The following MARCHF1 variants were observed in gnomAD, a reference collection of about 807,000 sequenced individuals.
MARCHF1 encodes membrane associated ring-CH-type finger 1.
MARCHF1 carries 40 observed loss-of-function variants against 54.2 expected under a neutral mutation model. The ratio of observed to expected loss-of-function variants is 0.74; its 90% confidence interval spans 0.57 to 0.96. MARCHF1 has a LOEUF of 0.96. MARCHF1 is among the 40% of genes least tolerant of loss of function. The probability of loss-of-function intolerance (pLI) is 0.00; values close to 1 mark genes in which losing one functional copy is unlikely to be tolerated. For synonymous variants in MARCHF1, 236 were observed against 236.3 expected (o/e 1.00, Z 0.01); for missense variants, 586 against 656.5 (o/e 0.89, Z 1.17).
chr4:163,710,127 G>T (rs150130204), intron 4 of MARCHF1, among the ~76,000 whole-genome samples: 5 of 152,196 alleles, frequency 3.3e-5, no homozygotes, highest in Admixed American at 3.3e-4. Flanking sequence ...ACTATGAAAA[G>T]TCTAGCAATT....
intron 3 of MARCHF1, among the ~76,000 whole-genome samples, chr4:163,864,797 G>A (rs1258080015): frequency 2.0e-5 from 3 of 151,810 alleles, no homozygotes; most frequent in African/African-American, 7.3e-5. Context: ...GTGTCCAAAG[G>A]CTAATTAATG....
intron 2 of MARCHF1, among the ~76,000 whole-genome samples, chr4:164,060,268 T>C (rs1295691694): frequency 2.0e-5 from 3 of 152,098 alleles, no homozygotes; most frequent in Admixed American, 6.5e-5. Flanking sequence ...CATTTTAAAC[T>C]GAGTACAGGC....
intron 2 of MARCHF1, among the ~76,000 whole-genome samples, chr4:164,015,422 AAC>A (rs894417454): frequency 3.9e-5 from 6 of 152,184 alleles, no homozygotes; most frequent in Admixed American, 6.5e-5. Flanking sequence ...ACACCTTAAA[AAC>A]ACAGCCAACT....
At chr4:163,997,925 TACACACACACACAC>T (rs5863648) in intron 2 of MARCHF1, among the ~76,000 whole-genome samples, 1,737 of 148,310 alleles carry the variant, frequency 0.012, 22 homozygotes, top group Non-Finnish European at 0.018. Context: ...TTGCCTTAAA[TACACACACACACAC>T]ACACACACAC....
intron 1 of MARCHF1, among the ~76,000 whole-genome samples, chr4:164,279,636 C>T (rs1733974988): frequency 1.3e-5 from 2 of 151,542 alleles, no homozygotes; most frequent in Non-Finnish European, 3.0e-5. Flanking sequence ...AAATATCACT[C>T]TGTATCCCAC....
intron 4 of MARCHF1, among the ~76,000 whole-genome samples, chr4:163,803,470 T>A (rs1294721546): frequency 6.7e-6 from 1 of 149,002 alleles, no homozygotes. Context: ...ACTGCCCGGC[T>A]GTAAAACATA....
intron 4 of MARCHF1, among the ~76,000 whole-genome samples, chr4:163,739,606 T>C (rs567054963): frequency 1.1e-4 from 17 of 152,312 alleles, no homozygotes; most frequent in Admixed American, 4.6e-4. Flanking sequence ...CTTCAGTATT[T>C]AGCAACTAAA....
chr4:164,002,418 T>C (rs1000844102), intron 2 of MARCHF1, among the ~76,000 whole-genome samples: 1 of 151,746 alleles, frequency 6.6e-6, no homozygotes, highest in African/African-American at 2.4e-5. Context: ...AAAAATACCA[T>C]ATTTGAAATA....
chr4:163,570,402 A>C (rs1483917602), intron 8 of MARCHF1, among the ~76,000 whole-genome samples: 1 of 152,090 alleles, frequency 6.6e-6, no homozygotes, highest in African/African-American at 2.4e-5. Flanking sequence ...CGGAACCCCC[A>C]AAAGTTGAAA....
chr4:164,096,987 T>C (rs1755429397), intron 2 of MARCHF1, among the ~76,000 whole-genome samples: 3 of 152,130 alleles, frequency 2.0e-5, no homozygotes, highest in Admixed American at 1.3e-4. Context: ...AATTTAGCAC[T>C]GCCAATTCTT....
chr4:163,879,351 A>G (rs1038306614), intron 3 of MARCHF1, among the ~76,000 whole-genome samples: 1 of 152,190 alleles, frequency 6.6e-6, no homozygotes, highest in Non-Finnish European at 1.5e-5. Context: ...TATATATAAC[A>G]TTTGTATAAC....
At chr4:163,897,892 T>TAAAA (rs71600649) in intron 3 of MARCHF1, among the ~76,000 whole-genome samples, 1 of 148,756 alleles carries the variant, frequency 6.7e-6, no homozygotes, top group Non-Finnish European at 1.5e-5. Context: ...CAGTCTCTAC[T>TAAAA]AAAAAAAAAC....
At chr4:163,603,298 A>G (rs1741032483) in intron 7 of MARCHF1, among the ~76,000 whole-genome samples, 1 of 147,522 alleles carries the variant, frequency 6.8e-6, no homozygotes, top group Non-Finnish European at 1.5e-5. Flanking sequence ...ACACATACGA[A>G]ACTGGGAAAA....
intron 7 of MARCHF1, among the ~76,000 whole-genome samples, chr4:163,592,245 C>T (rs781284194): frequency 1.3e-4 from 20 of 152,068 alleles, no homozygotes; most frequent in Non-Finnish European, 2.4e-4. Flanking sequence ...CATGTGCAGA[C>T]GAGTGACAGT....
chr4:163,766,574 T>C (rs1482442422), intron 4 of MARCHF1, among the ~76,000 whole-genome samples: 1 of 152,196 alleles, frequency 6.6e-6, no homozygotes, highest in Non-Finnish European at 1.5e-5. Context: ...GCAGACACCC[T>C]ATAACATACT....
At chr4:163,692,657 C>T (rs940006612) in intron 5 of MARCHF1, among the ~76,000 whole-genome samples, 8 of 144,034 alleles carry the variant, frequency 5.6e-5, no homozygotes, top group African/African-American at 2.1e-4. Context: ...TGAACAGCAG[C>T]AAGACATTAG....
At chr4:163,671,697 TTAAG>T (rs1743743736) in intron 5 of MARCHF1, among the ~76,000 whole-genome samples, 1 of 152,142 alleles carries the variant, frequency 6.6e-6, no homozygotes, top group Admixed American at 6.5e-5. Flanking sequence ...GTATTCGTAT[TTAAG>T]TATGCATATA....
rs1007746697 is a variant in MARCHF1, at chr4:163,793,780, G to A, written c.111+60241C>T. ...CCTGTTCTGTTCTGTTCTAATTACC[G>A]GTGCATGCAGCCCCCAGTCACGTAC... is the stretch of plus-strand genomic sequence containing the variant. On this transcript the variant is annotated intron_variant, in intron 4 of 9. Coordinates refer to ENST00000514618, the MANE Select transcript of MARCHF1 (RefSeq NM_001394959.1). Among the ~76,000 whole-genome samples the A allele has an allele frequency of 1.2e-4, 19 of 152,150 alleles. No homozygotes were observed. The South Asian group carries it at 1.7e-3, about 13-fold the overall frequency.
At chr4:163,567,420 C>T (rs570958588) in intron 8 of MARCHF1, among the ~76,000 whole-genome samples, 8 of 152,260 alleles carry the variant, frequency 5.3e-5, no homozygotes, top group African/African-American at 1.9e-4. Context: ...TGCAGAATTT[C>T]GTGCCCCACC....
Sources: gnomAD v4.1 joint callset for allele counts (sites outside exome capture counted in the v4.1 genomes callset) on GRCh38, gnomAD v4.1.1 for gene constraint, MANE v1.5 for transcripts, NCBI Gene and HGNC (gene_info 2026-07-23, HGNC 2026-07-21) for gene names.